LARGE1: variants seen among roughly 807,000 people sequenced by gnomAD.
LARGE1 encodes xylosyl- and glucuronyltransferase LARGE1.
Under a neutral mutation model 87.6 loss-of-function variants are expected in LARGE1, and 43 were observed. The ratio of observed to expected loss-of-function variants is 0.49; its 90% CI spans 0.38 to 0.63. The LOEUF is 0.63. Among genes scored for constraint, LARGE1 ranks in the 30% least tolerant of loss-of-function variants. The pLI is 0.00. For missense variants in LARGE1, 802 were observed against 1,000.2 expected, an observed-to-expected ratio of 0.80 and a Z score of 2.67; for synonymous variants, 434 against 394.6, an observed-to-expected ratio of 1.10 and a Z score of -1.18.
intron 2 of LARGE1, among the ~76,000 whole-genome samples, chr22:33,740,128 G>A (rs1325392836): frequency 6.6e-6 from 1 of 152,086 alleles, no homozygotes; most frequent in Non-Finnish European, 1.5e-5. Flanking sequence ...ATCGCTTCCT[G>A]GAGAGCCCAA....
At chr22:33,374,187 T>C (rs2064919806) in intron 9 of LARGE1, among the ~76,000 whole-genome samples, 1 of 152,154 alleles carries the variant, frequency 6.6e-6, no homozygotes, top group Admixed American at 6.5e-5. Context: ...ATGGTATACA[T>C]TCCTAACCTT....
chr22:33,642,710 CAA>C (rs60815644), intron 3 of LARGE1, among the ~76,000 whole-genome samples: 101 of 17,326 alleles, frequency 5.8e-3, no homozygotes, highest in African/African-American at 0.011. Context: ...AAATGGAAAG[CAA>C]AAAAAAAAAA....
At position 33,849,266 on chromosome 22, in the gene LARGE1, C is replaced by T. The variant is rs763859696; in HGVS notation, c.-83+70729G>A. Among the ~76,000 whole-genome samples the T allele has an allele frequency of 4.6e-5, 7 of 152,186 alleles. No individual in the cohort carries two copies. In the South Asian group the frequency reaches 1.4e-3, roughly 31 times the overall value. The stretch of plus-strand genomic sequence containing the variant: ...GTCCAGCAGACACACAGGCCCACTT[C>T]GCAGAACATCTCAACCACCTGGGTG... On this transcript the variant is annotated intron_variant, in intron 1 of 14. Transcript: ENST00000397394.
intron 2 of LARGE1, among the ~76,000 whole-genome samples, chr22:33,710,343 T>C (rs1388058563): frequency 6.6e-5 from 10 of 152,142 alleles, no homozygotes; most frequent in Non-Finnish European, 1.5e-4. Context: ...AGAATCAAAT[T>C]AAAAATGAAA....
the LARGE1 span, chr22:33,110,784 G>C: frequency 6.6e-6 from 1 of 152,202 alleles, no homozygotes; most frequent in African/African-American, 2.4e-5. Context: ...TCTGGCAGGA[G>C]GTTTTTGGCA....
At chr22:33,425,104 A>T (rs536616359) in intron 7 of LARGE1, among the ~76,000 whole-genome samples, 9 of 152,170 alleles carry the variant, frequency 5.9e-5, no homozygotes, top group Admixed American at 1.3e-4. Context: ...TCCACTAAAA[A>T]TACAAAAATT....
At chr22:33,370,692 AAT>A (rs2064774677) in intron 9 of LARGE1, among the ~76,000 whole-genome samples, 2 of 151,742 alleles carry the variant, frequency 1.3e-5, no homozygotes, top group African/African-American at 4.8e-5. Flanking sequence ...TATGTTATAT[AAT>A]ATGTTATGTT....
chr22:33,751,308 C>T (rs1209537875), intron 2 of LARGE1, among the ~76,000 whole-genome samples: 2 of 152,084 alleles, frequency 1.3e-5, no homozygotes, highest in Non-Finnish European at 2.9e-5. Context: ...TGGCGAAACC[C>T]CATCTCTACT....
chr22:33,848,111 G>C (rs1760176348), intron 1 of LARGE1, among the ~76,000 whole-genome samples: 1 of 152,230 alleles, frequency 6.6e-6, no homozygotes. Context: ...AAAGAAGCCA[G>C]AGACGTGAGC....
chr22:33,402,411 C>T (rs146499137), intron 7 of LARGE1, among the ~76,000 whole-genome samples: 4 of 152,170 alleles, frequency 2.6e-5, no homozygotes, highest in African/African-American at 9.6e-5. Flanking sequence ...AGATTTGGTA[C>T]TTTTTGCTGC....
At chr22:33,296,751 T>C (rs905093510) in intron 12 of LARGE1, among the ~76,000 whole-genome samples, 2 of 152,124 alleles carry the variant, frequency 1.3e-5, no homozygotes, top group African/African-American at 4.8e-5. Flanking sequence ...GTATTTTTAG[T>C]TGAGACGGGG....
At position 33,274,267 on chromosome 22, in the gene LARGE1, T is replaced by C. The variant is rs2145798800; in HGVS notation, c.*160A>G. On this transcript the variant is annotated 3_prime_UTR_variant, in exon 15 of 15. Coordinates refer to ENST00000397394, the MANE Select transcript of LARGE1 (RefSeq NM_133642.5). Reference sequence around the variant, plus strand: ...CAGAGAGGGACTGGCTGGATCCTTGTCCAAGGTCTCTGTAGTGAGGGCAGC... The same window carrying C: ...CAGAGAGGGACTGGCTGGATCCTTGCCCAAGGTCTCTGTAGTGAGGGCAGC... 2.7e-6 allele frequency: 2 copies of C among 739,176 alleles called. No individual in the cohort carries two copies. The highest frequency in any genetic ancestry group is 2.0e-5 in the Admixed American group (1 of 48,824). The allele number at this position is 739,176 out of a possible 1,614,324, so 45.8% of individuals were successfully genotyped here.
chr22:33,669,894 G>A (rs2081361681), intron 2 of LARGE1, among the ~76,000 whole-genome samples: 1 of 152,204 alleles, frequency 6.6e-6, no homozygotes, highest in Admixed American at 6.5e-5. Context: ...ATGAATAAAT[G>A]CAAAAGGCTC....
chr22:33,283,256 T>C lies in LARGE1; in HGVS notation c.1823A>G (p.Lys608Arg). ...CATTGACAGCAACTCCGCTTTTGAC[T>C]TGGGGAAGGACAGCCGGTAGCGCAG... ...ETLRYRLSFP[K>R]SKAELLSMLD... The change falls in exon 13 of 15, where the codon AAG becomes AGG. Residue 608 changes from lysine to arginine, a missense_variant. By Grantham distance (26) the Lys-to-Arg change is conservative (BLOSUM62 2). Around this residue, in one of 2 missense-constraint regions of LARGE1, gnomAD observed 625 missense variants for 841.9 expected, o/e 0.74. Transcript: ENST00000397394. 6.2e-7 allele frequency: 1 copy of C among 1,614,120 alleles called. No individual in the cohort carries two copies. Among genetic ancestry groups the C allele is most frequent in the Non-Finnish European group, 8.5e-7 (1 of 1,180,020 alleles).
intron 1 of LARGE1, among the ~76,000 whole-genome samples, chr22:33,849,431 T>TC (rs1166191298): frequency 6.6e-6 from 1 of 151,974 alleles, no homozygotes; most frequent in Non-Finnish European, 1.5e-5. Flanking sequence ...GGGCAGGAGC[T>TC]CCAGTCTACT....
At chr22:33,424,604 T>C (rs1298408623) in intron 7 of LARGE1, among the ~76,000 whole-genome samples, 3 of 151,958 alleles carry the variant, frequency 2.0e-5, no homozygotes, top group African/African-American at 7.3e-5. Context: ...GGTGGGAGGA[T>C]TGCTTGAGCT....
chr22:33,193,947 G>A (rs1294224724), intron 11 of LARGE1, among the ~76,000 whole-genome samples: 1 of 130,970 alleles, frequency 7.6e-6, no homozygotes, highest in Non-Finnish European at 1.6e-5. Context: ...TATAGATTAT[G>A]TTTTATATGT....
At chr22:33,516,640 G>A (rs2071317750) in intron 6 of LARGE1, among the ~76,000 whole-genome samples, 1 of 126,134 alleles carries the variant, frequency 7.9e-6, no homozygotes, top group African/African-American at 3.1e-5. Flanking sequence ...TCAGGCTGGA[G>A]TGCAGTGGTG....
chr22:33,691,269 G>A (rs565917135), intron 2 of LARGE1, among the ~76,000 whole-genome samples: 17 of 151,990 alleles, frequency 1.1e-4, no homozygotes, highest in Admixed American at 2.0e-4. Context: ...AGGGAGGGAG[G>A]AGAGAGGGAG....
Sources: allele counts gnomAD v4.1 joint callset (sites outside exome capture counted in the v4.1 genomes callset), GRCh38; gene constraint gnomAD v4.1.1; regional missense constraint gnomAD v4.1.1; transcripts MANE v1.5; gene names NCBI Gene and HGNC (gene_info 2026-07-23, HGNC 2026-07-21).